HPS4: variants seen among roughly 807,000 people sequenced by gnomAD.
The protein encoded by HPS4 is BLOC-3 complex member HPS4.
Under a neutral mutation model 70.3 loss-of-function variants are expected in HPS4, and 44 were observed. The ratio of observed to expected loss-of-function variants is 0.63; its 90% confidence interval spans 0.49 to 0.80. The LOEUF (loss-of-function observed/expected upper bound fraction) is 0.80, where lower values mean the gene tolerates loss of function less well. Ranked by LOEUF, HPS4 falls within the 30% of genes least tolerant of loss-of-function variation. The pLI, the probability that HPS4 is intolerant of heterozygous loss-of-function variation, is 0.00. For synonymous variants in HPS4, 377 were observed against 355.9 expected (o/e 1.06, Z -0.67); for missense variants, 873 against 884.4 (o/e 0.99, Z 0.16).
intron 11 of HPS4, 100 bp from the exon 12 acceptor site, chr22:26,458,677 C>A (rs2086658550): frequency 4.2e-6 from 6 of 1,430,404 alleles, no homozygotes; most frequent in Non-Finnish European, 5.7e-6. Context: ...AATCCTCCAG[C>A]CAGGCACGGT....
At chr22:26,474,288 A>T (rs545958416) in intron 4 of HPS4, among the ~76,000 whole-genome samples, 1 of 152,348 alleles carries the variant, frequency 6.6e-6, no homozygotes, top group Admixed American at 6.5e-5. Flanking sequence ...TTAAATGGTC[A>T]TCTGATCTTT....
chr22:26,464,758 G>T lies in HPS4; in HGVS notation c.872C>A (p.Ser291Tyr). 1 of 1,587,862 alleles carries T rather than the reference G, an allele frequency of 6.3e-7. No individual in the cohort carries two copies. Among genetic ancestry groups the T allele is most frequent in the Non-Finnish European group, 8.6e-7 (1 of 1,166,438 alleles). Residue 291 changes from serine (S) to tyrosine (Y), a missense_variant, in exon 11 of 14, where the codon TCT (serine) becomes TAT (tyrosine). Physicochemically the swap from Ser to Tyr is moderately radical, Grantham distance 144. Coordinates refer to ENST00000398145, the MANE Select transcript of HPS4 (RefSeq NM_022081.6). Reference sequence around the variant, plus strand: ...GCCAGTGGCGTTTTCTTTCAGGGCAGATGTGCTCCCACCCTTTGGATGGTG... The same window carrying T: ...GCCAGTGGCGTTTTCTTTCAGGGCATATGTGCTCCCACCCTTTGGATGGTG... ...AQHHPKGGST[S>Y]ALKENATGHV...
At chr22:26,448,251 C>G (rs933143045), downstream of HPS4, among the ~76,000 whole-genome samples, 8 of 152,236 alleles carry the variant, frequency 5.3e-5, no homozygotes, top group African/African-American at 1.7e-4. Context: ...TTGCTGAGGG[C>G]CCATGATAGG....
At chr22:26,480,472 G>A (rs1010905257) in intron 2 of HPS4, among the ~76,000 whole-genome samples, 3 of 152,118 alleles carry the variant, frequency 2.0e-5, no homozygotes, top group Non-Finnish European at 2.9e-5. Context: ...AGCCTGGCTG[G>A]ACCTGTTTTA....
intron 7 of HPS4, 40 bp from the exon 8 acceptor site, chr22:26,468,663 A>T (rs1194549522): frequency 1.3e-6 from 2 of 1,570,900 alleles, no homozygotes; most frequent in South Asian, 1.1e-5. Context: ...CATGAGACGA[A>T]ATACACCAAA....
At position 26,453,536 on chromosome 22, in the gene HPS4, C is replaced by T. The variant is rs1287254274; in HGVS notation, c.1956-132G>A. On this transcript the variant is annotated intron_variant, in intron 13 of 13. Transcript: ENST00000398145. ...TGTGGCATGTGCAGCTGTCATGGCA[C>T]GGAATTCTATTTCTTCAGCTGAGTT... 1.6e-5 allele frequency: 15 copies of T among 916,152 alleles called. No individual in the cohort carries two copies. In the African/African-American group the frequency reaches 1.6e-4, roughly 10 times the overall value. 56.8% of individuals were successfully genotyped at this position (916,152 alleles called of 1,614,324 possible). A position where few individuals can be genotyped will look rare whatever the true frequency, so the allele number is the denominator to read the frequency against.
At chr22:26,454,267 GTGGGAGGGCTCCGAGGCCAGATGGTTA>G (rs2085693147) in intron 13 of HPS4, among the ~76,000 whole-genome samples, 2 of 152,224 alleles carry the variant, frequency 1.3e-5, no homozygotes, top group Admixed American at 1.3e-4. Context: ...TCACAGCCCT[GTGGGAGGGCTCCGAGGCCAGATGGTTA>G]TGAGCATGGA....
downstream of HPS4, chr22:26,443,714 G>C (rs545055024): frequency 3.3e-5 from 5 of 152,556 alleles, no homozygotes; most frequent in Non-Finnish European, 5.8e-5. Flanking sequence ...GCCACCTGAC[G>C]GCAGGGGGAC....
chr22:26,464,849 G>T, intron 10 of HPS4, 23 bp from the exon 11 acceptor site: 1 of 1,578,150 alleles, frequency 6.3e-7, no homozygotes, highest in Admixed American at 1.8e-5. Flanking sequence ...AGAGATGTAA[G>T]GAAGGGGCAC....
chr22:26,481,810 G>GT lies in HPS4; in HGVS notation c.-49dup. 6.4e-6 allele frequency: 10 copies of GT among 1,571,172 alleles called. No individual in the cohort carries two copies. Among genetic ancestry groups the GT allele is most frequent in the Non-Finnish European group, 8.8e-6 (10 of 1,140,898 alleles). On this transcript the variant is annotated 5_prime_UTR_variant, in exon 2 of 14. Coordinates refer to ENST00000398145, the MANE Select transcript of HPS4 (RefSeq NM_022081.6). Reference sequence around the variant, plus strand: ...CTCTTCATTTAGGTTTTCTTTTCCGGTATCACTTCTTTCTCCCTAGCTGTG... The same window carrying GT: ...CTCTTCATTTAGGTTTTCTTTTCCGGTTATCACTTCTTTCTCCCTAGCTGTG...
intron 4 of HPS4, among the ~76,000 whole-genome samples, chr22:26,474,325 T>A (rs1367966415): frequency 2.0e-5 from 3 of 150,372 alleles, no homozygotes; most frequent in African/African-American, 7.4e-5. Flanking sequence ...GGAAATCCAA[T>A]AGGGAAAGGA....
chr22:26,467,606 A>G (rs1185791331), intron 8 of HPS4: 2 of 152,256 alleles, frequency 1.3e-5, no homozygotes, highest in African/African-American at 2.4e-5. Flanking sequence ...ATTGACACCC[A>G]TAGCCACAGT....
At chr22:26,449,283 T>C (rs2085058477), downstream of HPS4, among the ~76,000 whole-genome samples, 1 of 151,248 alleles carries the variant, frequency 6.6e-6, no homozygotes, top group African/African-American at 2.4e-5. Flanking sequence ...CAGGAGCTAG[T>C]GACCTTCCTC....
chr22:26,468,692 A>G lies in HPS4; in HGVS notation c.597-69T>C, dbSNP rs739290. The G allele has an allele frequency of 0.91, 1,285,475 of 1,414,616 alleles. 587,901 individuals carry two copies. Among genetic ancestry groups the G allele is most frequent in the Non-Finnish European group, 0.93 (935,491 of 1,003,020 alleles). 87.6% of individuals were successfully genotyped at this position (1,414,616 alleles called of 1,614,324 possible). ...CACCAAAACACTCCAAATTTTAAAG[A>G]TGCCTAACAGCCCGTGTTGACGAGG... On this transcript the variant is annotated intron_variant, in intron 7 of 13. Coordinates refer to ENST00000398145, the MANE Select transcript of HPS4 (RefSeq NM_022081.6).
At chr22:26,477,747 A>G (rs543562312) in intron 3 of HPS4, among the ~76,000 whole-genome samples, 66 of 152,218 alleles carry the variant, frequency 4.3e-4, no homozygotes, top group Non-Finnish European at 7.5e-4. Flanking sequence ...CTACTAATGT[A>G]AAGGAAATAC....
intron 3 of HPS4, 90 bp from the exon 4 acceptor site, chr22:26,477,226 A>G (rs2090672868): frequency 1.4e-6 from 2 of 1,392,286 alleles, no homozygotes; most frequent in Admixed American, 1.7e-5. Flanking sequence ...TGCAAGCCAA[A>G]TCCAGTCTGT....
rs908726436 is a variant in HPS4 at position 26,481,838 on chromosome 22, C to T, written c.-76G>A. 19 of 1,402,372 alleles carry T rather than the reference C, an allele frequency of 1.4e-5. No individual in the cohort carries two copies. Among genetic ancestry groups the T allele is most frequent in the Admixed American group, 5.0e-5 (3 of 59,618 alleles). 86.9% of individuals were successfully genotyped at this position (1,402,372 alleles called of 1,614,324 possible). A position where few individuals can be genotyped will look rare whatever the true frequency, so the allele number is the denominator to read the frequency against. ...TCACTTCTTTCTCCCTAGCTGTGAC[C>T]GTTCCTCTATCCCCCAATCCAGTGA... On this transcript the variant is annotated 5_prime_UTR_variant, in exon 2 of 14. Coordinates refer to ENST00000398145, the MANE Select transcript of HPS4 (RefSeq NM_022081.6).
At position 26,458,445 on chromosome 22, in the gene HPS4, C is replaced by T; in HGVS notation, c.1846G>A (p.Ala616Thr). 6.2e-7 allele frequency: 1 copy of T among 1,614,102 alleles called. No homozygotes were observed. Among genetic ancestry groups the T allele is most frequent in the African/African-American group, 1.3e-5 (1 of 75,038 alleles). Residue 616 changes from alanine to threonine, a missense_variant and splice_region_variant, in exon 12 of 14, where the codon GCA (alanine) becomes ACA (threonine). By Grantham distance (58) the Ala-to-Thr change is moderately conservative. Transcript: ENST00000398145. ...HYDRIQSLLM[A>T]NLPQVATPQD... ...CCCAGGCCCCTTGGCTGGTTCTTACCCATCAGCAAGCTCTGAATGCGGTCG... is the reference window on the plus strand; with the variant it reads ...CCCAGGCCCCTTGGCTGGTTCTTACTCATCAGCAAGCTCTGAATGCGGTCG...
intron 11 of HPS4, 93 bp from the exon 12 acceptor site, chr22:26,458,670 C>T: frequency 1.3e-6 from 2 of 1,483,716 alleles, no homozygotes; most frequent in South Asian, 2.4e-5. Flanking sequence ...AAAAAAAAAT[C>T]CTCCAGCCAG....
Sources: gnomAD v4.1 joint callset for allele counts (sites outside exome capture counted in the v4.1 genomes callset) on GRCh38, gnomAD v4.1.1 for gene constraint, MANE v1.5 for transcripts, NCBI Gene and HGNC (gene_info 2026-07-23, HGNC 2026-07-21) for gene names.